LSAMP: variants seen among roughly 807,000 people sequenced by gnomAD.
The protein encoded by LSAMP is limbic system associated membrane protein.
Under a neutral mutation model 38.6 loss-of-function variants are expected in LSAMP, and 7 were observed. That is an observed-to-expected ratio of 0.18 (90% CI 0.10 to 0.34). LSAMP has a LOEUF of 0.34. Ranked by LOEUF, LSAMP falls within the 10% of genes least tolerant of loss-of-function variation. The probability of loss-of-function intolerance (pLI) is 1.00; values close to 1 mark genes in which losing one functional copy is unlikely to be tolerated. For synonymous variants in LSAMP, 154 were observed against 166.8 expected (o/e 0.92, Z 0.59); for missense variants, 313 against 420.0 (o/e 0.75, Z 2.23).
chr3:116,073,658 CAT>C (rs1281843586), intron 2 of LSAMP, among the ~76,000 whole-genome samples: 1 of 152,088 alleles, frequency 6.6e-6, no homozygotes, highest in Non-Finnish European at 1.5e-5. Flanking sequence ...GTGACTTTTG[CAT>C]ATCAATTTTG....
intron 1 of LSAMP, among the ~76,000 whole-genome samples, chr3:116,107,793 G>T (rs1708502382): frequency 6.6e-6 from 1 of 152,300 alleles, no homozygotes; most frequent in Admixed American, 6.5e-5. Context: ...AGTAAAGAAA[G>T]CACGTTTGAG....
chr3:116,153,286 G>T (rs1360762171), intron 1 of LSAMP, among the ~76,000 whole-genome samples: 1 of 152,074 alleles, frequency 6.6e-6, no homozygotes, highest in Admixed American at 6.6e-5. Flanking sequence ...AAATGCAAGG[G>T]ATTTCTCAGA....
rs1036066161 is a variant in LSAMP at position 115,808,785 on chromosome 3, A to G, written c.*1532T>C. 2 of 152,350 alleles carry G rather than the reference A, an allele frequency of 1.3e-5. No individual in the cohort carries two copies. Among genetic ancestry groups the G allele is most frequent in the African/African-American group, 4.8e-5 (2 of 41,574 alleles). 9.4% of individuals were successfully genotyped at this position (152,350 alleles called of 1,614,324 possible). ...GGGAAAAACATCTGCAGAGGAGCAC[A>G]AGGAGTGAACTGCTTTTCATTATGG... is the stretch of plus-strand genomic sequence containing the variant. On this transcript the variant is annotated 3_prime_UTR_variant, in exon 7 of 7. Coordinates refer to ENST00000490035, the MANE Select transcript of LSAMP (RefSeq NM_002338.5).
chr3:116,126,682 CA>C (rs1709015633), intron 1 of LSAMP, among the ~76,000 whole-genome samples: 1 of 152,000 alleles, frequency 6.6e-6, no homozygotes, highest in Admixed American at 6.6e-5. Context: ...GCCAACATGG[CA>C]AAACCCTGTC....
intron 6 of LSAMP, among the ~76,000 whole-genome samples, chr3:115,827,190 C>T (rs1402304066): frequency 1.3e-5 from 2 of 152,090 alleles, no homozygotes; most frequent in Non-Finnish European, 2.9e-5. Flanking sequence ...ACAAAACCCA[C>T]ACGTATAGTT....
chr3:116,411,979 C>A (rs555194640), intron 1 of LSAMP, among the ~76,000 whole-genome samples: 2 of 152,032 alleles, frequency 1.3e-5, no homozygotes, highest in Non-Finnish European at 1.5e-5. Flanking sequence ...ATGGAACAAC[C>A]ACTCACCAGA....
intron 6 of LSAMP, among the ~76,000 whole-genome samples, chr3:115,814,903 T>C (rs1404571416): frequency 6.6e-6 from 1 of 152,214 alleles, no homozygotes; most frequent in Non-Finnish European, 1.5e-5. Flanking sequence ...CCCAGCGGAC[T>C]AAGGCATGTT....
At chr3:116,252,967 CT>C (rs1299076352) in intron 1 of LSAMP, among the ~76,000 whole-genome samples, 1 of 152,184 alleles carries the variant, frequency 6.6e-6, no homozygotes, top group Admixed American at 6.5e-5. Context: ...AAGAAAGAGG[CT>C]TTAATTATTC....
At chr3:116,335,395 C>T (rs1191801189) in intron 1 of LSAMP, among the ~76,000 whole-genome samples, 1 of 151,850 alleles carries the variant, frequency 6.6e-6, no homozygotes, top group Non-Finnish European at 1.5e-5. Context: ...CAAAAGGATC[C>T]CAAATAGTCA....
chr3:116,049,352 A>G (rs79778098), intron 2 of LSAMP, among the ~76,000 whole-genome samples: 2,043 of 152,302 alleles, frequency 0.013, 42 homozygotes, highest in African/African-American at 0.045. Flanking sequence ...AGTAGTCTCT[A>G]CCTTCTTAAG....
chr3:116,293,317 G>A (rs2047292247), intron 1 of LSAMP, among the ~76,000 whole-genome samples: 2 of 152,174 alleles, frequency 1.3e-5, no homozygotes, highest in Admixed American at 6.5e-5. Flanking sequence ...TTGTCCTGAA[G>A]ATTGCCCTGA....
intron 1 of LSAMP, among the ~76,000 whole-genome samples, chr3:116,155,375 C>G (rs1709721071): frequency 6.6e-6 from 1 of 152,010 alleles, no homozygotes; most frequent in Non-Finnish European, 1.5e-5. Flanking sequence ...CAGGCGCCCA[C>G]CACCATGCCT....
Position 116,257,874 on chromosome 3 carries a change from AT to A in LSAMP, c.156-171319del, listed in dbSNP as rs2046771681. Among the ~76,000 whole-genome samples the A allele has an allele frequency of 4.6e-5, 7 of 152,246 alleles. No homozygotes were observed. In the South Asian group the frequency reaches 1.5e-3, roughly 32 times the overall value. The stretch of plus-strand genomic sequence containing the variant: ...TCCTTGTTGCACTTCCGTTATTGAA[AT>A]TTTAAAAAAGAAGTATTCTTTGTTT... On this transcript the variant is annotated intron_variant, in intron 1 of 6. Transcript: ENST00000490035.
intron 3 of LSAMP, among the ~76,000 whole-genome samples, chr3:115,889,841 A>G (rs1294547279): frequency 6.6e-6 from 1 of 151,984 alleles, no homozygotes; most frequent in Non-Finnish European, 1.5e-5. Context: ...TGCTTCCATC[A>G]CTACTAAAAC....
At chr3:115,825,435 G>C (rs1272482219) in intron 6 of LSAMP, among the ~76,000 whole-genome samples, 2 of 152,138 alleles carry the variant, frequency 1.3e-5, no homozygotes, top group African/African-American at 4.8e-5. Flanking sequence ...TGAAAATACT[G>C]ATGGCTCCTT....
In LSAMP at chr3:115,843,814, T is replaced by C. The variant is rs74458689; in HGVS notation, c.650-1236A>G. 8.5e-5 allele frequency among the ~76,000 whole-genome samples: 13 copies of C among 152,354 alleles called. No individual in the cohort carries two copies. The East Asian group carries it at 2.5e-3, about 29-fold the overall frequency. ...CTGCAATTTCCTTCCTGATTTTATC[T>C]TCCCATAAGCTTAGACATTTTTAAA... On this transcript the variant is annotated intron_variant, in intron 4 of 6. Transcript: ENST00000490035.
intron 1 of LSAMP, among the ~76,000 whole-genome samples, chr3:116,179,348 A>G (rs1710430848): frequency 6.6e-6 from 1 of 152,052 alleles, no homozygotes; most frequent in Admixed American, 6.5e-5. Flanking sequence ...AGCACTCCCC[A>G]TTGGAGAATA....
intron 1 of LSAMP, among the ~76,000 whole-genome samples, chr3:116,105,596 A>G (rs990996554): frequency 6.6e-6 from 1 of 152,150 alleles, no homozygotes; most frequent in African/African-American, 2.4e-5. Flanking sequence ...CTGAGCCAGG[A>G]GAAGGAAATT....
chr3:116,354,801 A>G (rs2048196783), intron 1 of LSAMP, among the ~76,000 whole-genome samples: 1 of 151,934 alleles, frequency 6.6e-6, no homozygotes, highest in Non-Finnish European at 1.5e-5. Context: ...CAAAGACTTT[A>G]AAACTACATA....
Sources: gnomAD v4.1 joint callset for allele counts (sites outside exome capture counted in the v4.1 genomes callset) on GRCh38, gnomAD v4.1.1 for gene constraint, MANE v1.5 for transcripts, NCBI Gene and HGNC (gene_info 2026-07-23, HGNC 2026-07-21) for gene names.